TANK: variants seen among roughly 807,000 people sequenced by gnomAD.
TANK encodes TRAF family member associated NFKB activator.
TANK carries 15 observed loss-of-function variants against 43.6 expected under a neutral mutation model. That is an observed-to-expected ratio of 0.34 (90% CI 0.23 to 0.53). The LOEUF (loss-of-function observed/expected upper bound fraction) is 0.53, where lower values mean the gene tolerates loss of function less well. Among genes scored for constraint, TANK ranks in the 20% least tolerant of loss-of-function variants. The pLI is 0.94. For missense variants in TANK, 417 were observed against 498.6 expected (o/e 0.84, Z 1.56); for synonymous variants, 162 against 178.2 (o/e 0.91, Z 0.73).
At chr2:161,146,150 C>T (rs1005249445) in intron 1 of TANK, among the ~76,000 whole-genome samples, 38 of 152,132 alleles carry the variant, frequency 2.5e-4, no homozygotes, top group African/African-American at 8.2e-4. Flanking sequence ...ACGAAGTTCT[C>T]GTGCTGTGTT....
chr2:161,136,990 T>C, exon 1 of TANK: 6 of 985,424 alleles, frequency 6.1e-6, no homozygotes, highest in Non-Finnish European at 7.2e-6. Context: ...TGGAAAACAC[T>C]TTACAACTGT....
At chr2:161,161,632 A>G in intron 1 of TANK, 1 of 681,168 alleles carries the variant, frequency 1.5e-6, no homozygotes. Flanking sequence ...CTGTTCGATA[A>G]TCTGTTTCAG....
intron 1 of TANK, chr2:161,162,788 T>C (rs923583541): frequency 5.3e-5 from 8 of 152,180 alleles, no homozygotes; most frequent in Non-Finnish European, 1.2e-4. Context: ...TTGTATTAGA[T>C]AGCACTTTGA....
At chr2:161,156,018 A>G, upstream of TANK, 1 of 966,842 alleles carries the variant, frequency 1.0e-6, no homozygotes, top group Non-Finnish European at 1.2e-6. Flanking sequence ...GGTCATTAAT[A>G]TATTTCAAAA....
At position 161,231,445 on chromosome 2, in the gene TANK, G is replaced by T; in HGVS notation, c.995G>T (p.Gly332Val). ...GATAGAGCTGCGTGTTTGCCACCTGGAGACCATAATGCATTATATGTAAAT... is the reference window on the plus strand; with the variant it reads ...GATAGAGCTGCGTGTTTGCCACCTGTAGACCATAATGCATTATATGTAAAT... ...TLDRAACLPPGDHNALYVNSF... is the reference protein window; with the variant it reads ...TLDRAACLPPVDHNALYVNSF... The change falls in exon 7 of 8, where the codon GGA becomes GTA. Residue 332 changes from glycine (G) to valine (V), a missense_variant. Gly to Val is a moderately radical substitution (Grantham distance 109). Coordinates refer to ENST00000392749, the MANE Select transcript of TANK (RefSeq NM_001199135.3). 1 of 1,614,088 alleles carries T rather than the reference G, an allele frequency of 6.2e-7. No individual in the cohort carries two copies. Among genetic ancestry groups the T allele is most frequent in the Non-Finnish European group, 8.5e-7 (1 of 1,180,012 alleles).
chr2:161,218,778 A>G (rs560839451), intron 4 of TANK, among the ~76,000 whole-genome samples: 22 of 152,196 alleles, frequency 1.4e-4, no homozygotes, highest in Non-Finnish European at 2.6e-4. Flanking sequence ...GCATAACACT[A>G]AATTTGTAGT....
At chr2:161,145,744 T>G (rs1224288451) in intron 1 of TANK, among the ~76,000 whole-genome samples, 1 of 151,976 alleles carries the variant, frequency 6.6e-6, no homozygotes, top group Non-Finnish European at 1.5e-5. Flanking sequence ...ACTCCCCAGC[T>G]GCCCTTAACA....
chr2:161,191,591 T>G (rs941184952), intron 2 of TANK, among the ~76,000 whole-genome samples: 2 of 152,180 alleles, frequency 1.3e-5, no homozygotes, highest in African/African-American at 4.8e-5. Flanking sequence ...GTGAGAGAGA[T>G]GAAGTAACTT....
chr2:161,167,826 G>A (rs1243009275), intron 1 of TANK, among the ~76,000 whole-genome samples: 12 of 151,896 alleles, frequency 7.9e-5, no homozygotes, highest in Admixed American at 7.2e-4. Context: ...GGGTTTCACC[G>A]TGTTAGCCAG....
At chr2:161,169,998 A>G (rs1684871304) in intron 1 of TANK, among the ~76,000 whole-genome samples, 1 of 152,180 alleles carries the variant, frequency 6.6e-6, no homozygotes, top group African/African-American at 2.4e-5. Context: ...ATAGGGAACC[A>G]CCTTCTTCAT....
chr2:161,217,833 T>C (rs1687186370), intron 4 of TANK, among the ~76,000 whole-genome samples: 1 of 152,046 alleles, frequency 6.6e-6, no homozygotes, highest in Admixed American at 6.6e-5. Context: ...AACCCTAAGA[T>C]GATTCAGACA....
intron 4 of TANK, among the ~76,000 whole-genome samples, chr2:161,213,096 A>C (rs1338697123): frequency 1.3e-5 from 2 of 152,074 alleles, no homozygotes; most frequent in Non-Finnish European, 2.9e-5. Context: ...AAAGAGTAAG[A>C]ACTCACTCAC....
At chr2:161,202,182 CTTTTTTT>C (rs35913723) in intron 2 of TANK, among the ~76,000 whole-genome samples, 26 of 78,124 alleles carry the variant, frequency 3.3e-4, no homozygotes, top group East Asian at 1.8e-3. Flanking sequence ...GCTCTAATTT[CTTTTTTT>C]TTTTTTTTTT....
intron 2 of TANK, among the ~76,000 whole-genome samples, chr2:161,198,550 G>A (rs1686259823): frequency 6.6e-6 from 1 of 152,204 alleles, no homozygotes; most frequent in South Asian, 2.1e-4. Context: ...CACTCCCACG[G>A]CTGTGGATAT....
chr2:161,181,292 T>A (rs1177903528), intron 2 of TANK, among the ~76,000 whole-genome samples: 3 of 152,128 alleles, frequency 2.0e-5, no homozygotes, highest in African/African-American at 7.2e-5. Flanking sequence ...TGGTGGCACA[T>A]GCCTTTAATC....
intron 1 of TANK, among the ~76,000 whole-genome samples, chr2:161,153,327 A>G (rs1684129935): frequency 6.6e-6 from 1 of 152,054 alleles, no homozygotes; most frequent in Non-Finnish European, 1.5e-5. Flanking sequence ...TAAGTCCAAT[A>G]TAGAGGCCTT....
upstream of TANK, among the ~76,000 whole-genome samples, chr2:161,158,333 T>C (rs1387481206): frequency 1.3e-5 from 2 of 152,266 alleles, no homozygotes; most frequent in South Asian, 2.1e-4. Flanking sequence ...ACTCAATTTC[T>C]AACCTTTGTA....
chr2:161,229,823 G>A (rs1268630202), intron 6 of TANK, among the ~76,000 whole-genome samples: 1 of 152,160 alleles, frequency 6.6e-6, no homozygotes, highest in Non-Finnish European at 1.5e-5. Flanking sequence ...CAGTGCTGAT[G>A]ACAATCCTTA....
At chr2:161,197,507 A>G (rs943878383) in intron 2 of TANK, 2 of 152,232 alleles carry the variant, frequency 1.3e-5, no homozygotes, top group African/African-American at 4.8e-5. Flanking sequence ...TTTGCACTCT[A>G]TAACAAAATA....
Sources: allele counts gnomAD v4.1 joint callset (sites outside exome capture counted in the v4.1 genomes callset), GRCh38; gene constraint gnomAD v4.1.1; transcripts MANE v1.5; gene names NCBI Gene and HGNC (gene_info 2026-07-23, HGNC 2026-07-21).